The following UBE2E2 variants were observed in gnomAD, a reference collection of about 807,000 sequenced individuals.
UBE2E2 encodes ubiquitin conjugating enzyme E2 E2.
UBE2E2 carries 6 observed loss-of-function variants against 24.7 expected under a neutral mutation model. That is an observed-to-expected ratio of 0.24 (90% confidence interval 0.13 to 0.48). The LOEUF (loss-of-function observed/expected upper bound fraction) is 0.48. Ranked by LOEUF, UBE2E2 falls within the 20% of genes least tolerant of loss-of-function variation. UBE2E2 has a pLI of 0.99. For synonymous variants in UBE2E2, 104 were observed against 83.6 expected (o/e 1.24, Z -1.33); for missense variants, 169 against 245.0 (o/e 0.69, Z 2.07).
chr3:23,236,745 G>A (rs925024184), intron 3 of UBE2E2, among the ~76,000 whole-genome samples: 5 of 152,074 alleles, frequency 3.3e-5, no homozygotes, highest in South Asian at 2.1e-4. Flanking sequence ...CAAAGCCAGC[G>A]TTGGCCTAAG....
At chr3:23,370,738 G>T (rs1021452691) in intron 3 of UBE2E2, among the ~76,000 whole-genome samples, 47 of 152,154 alleles carry the variant, frequency 3.1e-4, no homozygotes, top group African/African-American at 1.1e-3. Flanking sequence ...TAGATCTCCT[G>T]GATTCATTTG....
intron 3 of UBE2E2, among the ~76,000 whole-genome samples, chr3:23,398,801 G>T (rs1697143194): frequency 6.6e-6 from 1 of 152,112 alleles, no homozygotes; most frequent in African/African-American, 2.4e-5. Context: ...TCTTTATAAT[G>T]ATCTGGGTTT....
intron 3 of UBE2E2, among the ~76,000 whole-genome samples, chr3:23,261,818 A>G (rs888620227): frequency 1.3e-5 from 2 of 152,176 alleles, no homozygotes; most frequent in Non-Finnish European, 2.9e-5. Context: ...AAATGGGTGA[A>G]TAATATTCCA....
chr3:23,389,002 CAAA>C (rs34578427), intron 3 of UBE2E2, among the ~76,000 whole-genome samples: 3 of 81,144 alleles, frequency 3.7e-5, no homozygotes, highest in Admixed American at 1.4e-4. Context: ...ACTCCATTTC[CAAA>C]AAAAAAAAAA....
chr3:23,277,587 A>G (rs1698399571), intron 3 of UBE2E2, among the ~76,000 whole-genome samples: 1 of 152,106 alleles, frequency 6.6e-6, no homozygotes, highest in Admixed American at 6.5e-5. Flanking sequence ...TTTTTAAAAA[A>G]CGTAATCATG....
Position 23,493,033 on chromosome 3 carries a change from A to T in UBE2E2, c.228-6575A>T, listed in dbSNP as rs1699531797. On this transcript the variant is annotated intron_variant, in intron 3 of 5. Transcript: ENST00000396703. ...TTTTGAGGTACTATTATCTCATTTT[A>T]CTTAAGAAGGGATTGAGGCACAGAA... is the stretch of plus-strand genomic sequence containing the variant. Among the ~76,000 whole-genome samples the T allele has an allele frequency of 2.6e-5, 4 of 152,166 alleles. 1 individual carries two copies. The South Asian group carries it at 8.3e-4, about 32-fold the overall frequency.
At chr3:23,572,526 C>A (rs947945586) in intron 5 of UBE2E2, among the ~76,000 whole-genome samples, 1 of 152,214 alleles carries the variant, frequency 6.6e-6, no homozygotes, top group Admixed American at 6.5e-5. Flanking sequence ...GCCCTTGCCC[C>A]CTTCCCCGAC....
intron 2 of UBE2E2, among the ~76,000 whole-genome samples, chr3:23,210,970 T>C (rs906016389): frequency 2.0e-5 from 3 of 151,536 alleles, no homozygotes; most frequent in African/African-American, 7.2e-5. Context: ...CCCTCTCTCT[T>C]CCTCCAATTC....
intron 2 of UBE2E2, among the ~76,000 whole-genome samples, chr3:23,216,091 A>G (rs1280377104): frequency 6.6e-6 from 1 of 152,170 alleles, no homozygotes; most frequent in Non-Finnish European, 1.5e-5. Flanking sequence ...TGTGAGCAGT[A>G]TTCTTGCTCA....
chr3:23,308,476 A>G (rs1409887672), intron 3 of UBE2E2, among the ~76,000 whole-genome samples: 1 of 152,250 alleles, frequency 6.6e-6, no homozygotes, highest in African/African-American at 2.4e-5. Flanking sequence ...TTTTACACAA[A>G]TAAATATTAA....
intron 3 of UBE2E2, among the ~76,000 whole-genome samples, chr3:23,321,512 G>A (rs1694736990): frequency 6.6e-6 from 1 of 151,612 alleles, no homozygotes; most frequent in African/African-American, 2.4e-5. Flanking sequence ...AGCAGTATCT[G>A]CTGATGTTCA....
chr3:23,365,328 T>C (rs1197822935), intron 3 of UBE2E2, among the ~76,000 whole-genome samples: 1 of 152,144 alleles, frequency 6.6e-6, no homozygotes, highest in Non-Finnish European at 1.5e-5. Context: ...AGTCAAACTA[T>C]TTCTGTTTGC....
intron 3 of UBE2E2, among the ~76,000 whole-genome samples, chr3:23,412,323 C>G (rs1441829426): frequency 3.3e-5 from 5 of 151,810 alleles, no homozygotes; most frequent in Non-Finnish European, 5.9e-5. Context: ...TATGAAGGAC[C>G]TTGTTTGTAT....
intron 3 of UBE2E2, among the ~76,000 whole-genome samples, chr3:23,493,168 T>A (rs1437395465): frequency 6.6e-6 from 1 of 152,106 alleles, no homozygotes; most frequent in East Asian, 1.9e-4. Flanking sequence ...CAGTGTTAAG[T>A]GAAAAAGCAG....
intron 3 of UBE2E2, among the ~76,000 whole-genome samples, chr3:23,305,902 GCT>G (rs968733748): frequency 6.6e-6 from 1 of 151,824 alleles, no homozygotes; most frequent in Non-Finnish European, 1.5e-5. Context: ...AACCCTAACA[GCT>G]CTTTTGTTTT....
intron 5 of UBE2E2, among the ~76,000 whole-genome samples, chr3:23,569,007 T>C (rs1208039923): frequency 2.6e-5 from 4 of 151,918 alleles, no homozygotes; most frequent in African/African-American, 9.7e-5. Flanking sequence ...TAAAAACATA[T>C]GTCCACATAA....
At chr3:23,429,564 A>T (rs769040057) in intron 3 of UBE2E2, among the ~76,000 whole-genome samples, 2 of 152,224 alleles carry the variant, frequency 1.3e-5, no homozygotes, top group Non-Finnish European at 2.9e-5. Context: ...AGGGCACTTG[A>T]CAAAATTCAA....
intron 3 of UBE2E2, among the ~76,000 whole-genome samples, chr3:23,281,298 G>A (rs1489539334): frequency 2.0e-5 from 3 of 152,126 alleles, no homozygotes; most frequent in Non-Finnish European, 4.4e-5. Flanking sequence ...ATAAAAAAAT[G>A]CCATTGTAGT....
rs1353555102 is a variant in UBE2E2, at chr3:23,384,277, C to G, written c.228-115331C>G. On this transcript the variant is annotated intron_variant, in intron 3 of 5. Coordinates refer to ENST00000396703, the MANE Select transcript of UBE2E2 (RefSeq NM_152653.4). ...TCCTGGGCTCAACCAGTCCTCCTGC[C>G]TCAGCCTCCCGAGTAGCTGGGACTA... Among the ~76,000 whole-genome samples the G allele has an allele frequency of 2.0e-5, 3 of 152,196 alleles. No individual in the cohort carries two copies. In the East Asian group the frequency reaches 5.8e-4, roughly 29 times the overall value.
Sources: allele counts gnomAD v4.1 joint callset (sites outside exome capture counted in the v4.1 genomes callset), GRCh38; gene constraint gnomAD v4.1.1; transcripts MANE v1.5; gene names NCBI Gene and HGNC (gene_info 2026-07-23, HGNC 2026-07-21).